CLUH: variants seen among roughly 807,000 people sequenced by gnomAD.
CLUH encodes CLUH binding protein of NUMT mRNA.
In CLUH, 77 loss-of-function variants were observed where a neutral mutation model predicts 139.3. The ratio of observed to expected loss-of-function variants is 0.55; its 90% CI spans 0.46 to 0.67. The LOEUF (loss-of-function observed/expected upper bound fraction) is 0.67. CLUH is among the 30% of genes least tolerant of loss of function. CLUH has a pLI of 0.00. For synonymous variants in CLUH, 999 were observed against 801.6 expected, an observed-to-expected ratio of 1.25 and a Z score of -4.16; for missense variants, 1,876 against 1,875.8, an observed-to-expected ratio of 1.00 and a Z score of 0.00.
At chr17:2,691,949 CCG>C in intron 23 of CLUH, 53 bp downstream of exon 23, 2 of 1,176,798 alleles carry the variant, frequency 1.7e-6, no homozygotes, top group South Asian at 1.7e-5. Flanking sequence ...GGCCCCGCCC[CCG>C]CCCCGCCACG....
rs563585169 is a variant in CLUH at position 2,705,987 on chromosome 17, ATGGGCCAGGCTCACCTGCCTGGCT to A, written c.101-1447_101-1424del. ...GGACCTTGGCCCCCAGGATCTGTCCATGGGCCAGGCTCACCTGCCTGGCTTGGCTTGAAGTTCAACGGTCCCAAC... is the reference window on the plus strand; with the variant it reads ...GGACCTTGGCCCCCAGGATCTGTCCATGGCTTGAAGTTCAACGGTCCCAAC... On this transcript the variant is annotated intron_variant, in intron 1 of 25. Transcript: ENST00000651024. 4.5e-3 allele frequency among the ~76,000 whole-genome samples: 684 copies of A among 152,254 alleles called. 4 individuals are homozygous for A. Among genetic ancestry groups the A allele is most frequent in the African/African-American group, 0.016 (666 of 41,538 alleles).
intron 5 of CLUH, 29 bp from the exon 6 acceptor site, chr17:2,701,549 A>G (rs2070180690): frequency 6.2e-6 from 10 of 1,613,266 alleles, no homozygotes; most frequent in Middle Eastern, 3.3e-4. Context: ...CTGAGGGGCC[A>G]GGCCTCTGGT....
chr17:2,696,067 G>C, intron 13 of CLUH, 92 bp downstream of exon 13: 2 of 1,040,174 alleles, frequency 1.9e-6, no homozygotes, highest in Non-Finnish European at 2.9e-6. Context: ...TCACTCCTGC[G>C]AGCCTGTGTT....
rs1008222783 is a variant in CLUH, at chr17:2,707,654, C to T, written c.101-3090G>A. On this transcript the variant is annotated intron_variant, in intron 1 of 25. Coordinates refer to ENST00000651024, the MANE Select transcript of CLUH (RefSeq NM_001366661.1). This position sits in a 1 kb window ranked among gnomAD's most constrained non-coding sequence, Gnocchi z 7.4. ...GGGCAGGGCCCAGCAAGGGGGTCCT[C>T]TCCTCCGCTCCCATCCCAGTGGGGG... 1.0e-6 allele frequency: 1 copy of T among 985,276 alleles called. No homozygotes were observed. Among genetic ancestry groups the T allele is most frequent in the African/African-American group, 1.7e-5 (1 of 57,234 alleles). 61.0% of individuals were successfully genotyped at this position (985,276 alleles called of 1,614,324 possible).
intron 13 of CLUH, 153 bp downstream of exon 13, chr17:2,696,006 A>C: frequency 1.5e-6 from 1 of 649,968 alleles, no homozygotes; most frequent in Non-Finnish European, 2.7e-6. Flanking sequence ...TCTGGGGGTC[A>C]GGCTCCCCAT....
chr17:2,693,583 A>G (rs934674866), intron 19 of CLUH, among the ~76,000 whole-genome samples: 7 of 151,774 alleles, frequency 4.6e-5, no homozygotes, highest in African/African-American at 1.7e-4. Context: ...CACAGCCTGC[A>G]CTGGGCACAG....
At chr17:2,695,132 G>A in intron 15 of CLUH, 31 bp from the exon 16 acceptor site, 1 of 1,612,694 alleles carries the variant, frequency 6.2e-7, no homozygotes, top group Non-Finnish European at 8.5e-7. Flanking sequence ...GAGTCATGAG[G>A]GCCCTCAGCC....
chr17:2,692,478 T>C lies in CLUH; in HGVS notation c.3443A>G (p.Asn1148Ser). The change falls in exon 22 of 26, where the codon AAC becomes AGC. Residue 1148 changes from asparagine (N) to serine (S), a missense_variant. Coordinates refer to ENST00000651024, the MANE Select transcript of CLUH (RefSeq NM_001366661.1). ...CACCCCGTGCAGCACCAGCCCGATG[T>C]TGTTCTGGGGGCAGGCGGTGGGGGG... ...DHPEMALLDNNIGLVLHGVME... is the reference protein window; with the variant it reads ...DHPEMALLDNSIGLVLHGVME... 1.3e-6 allele frequency: 2 copies of C among 1,598,814 alleles called. No homozygotes were observed. The highest frequency in any genetic ancestry group is 2.2e-5 in the East Asian group (1 of 44,760).
In CLUH at chr17:2,696,415, G is replaced by A. The variant is rs916019347; in HGVS notation, c.2290+19C>T. 2.3e-5 allele frequency: 36 copies of A among 1,564,650 alleles called. No homozygotes were observed. Among genetic ancestry groups the A allele is most frequent in the Admixed American group, 1.1e-4 (6 of 52,812 alleles). On this transcript the variant is annotated intron_variant, in intron 12 of 25. Transcript: ENST00000651024. Reference sequence around the variant, plus strand: ...CTGGCCCTGGAGGGCTCCTGCGCTGGCCGGCCCCCACCACCTGCCTGGTGA... The same window carrying A: ...CTGGCCCTGGAGGGCTCCTGCGCTGACCGGCCCCCACCACCTGCCTGGTGA...
chr17:2,701,808 C>T lies in CLUH; in HGVS notation c.620-71G>A, dbSNP rs1162201355. On this transcript the variant is annotated intron_variant, in intron 4 of 25. Transcript: ENST00000651024. ...AGCTGTCTCCCTACCTCCTGATGGC[C>T]GTGGTCCGGGTGCCTCAGGCCCAGG... The T allele has an allele frequency of 5.8e-5, 91 of 1,565,630 alleles. 1 individual carries two copies. Among genetic ancestry groups the T allele is most frequent in the African/African-American group, 1.4e-4 (10 of 74,048 alleles).
chr17:2,702,275 T>A (rs2070214970), intron 3 of CLUH, among the ~76,000 whole-genome samples: 3 of 152,178 alleles, frequency 2.0e-5, no homozygotes, highest in Admixed American at 2.0e-4. Context: ...TGAGCAGGGA[T>A]CTTTGTTTAT....
At chr17:2,701,337 G>A (rs767840961) in intron 6 of CLUH, 29 bp downstream of exon 6, 10 of 1,606,378 alleles carry the variant, frequency 6.2e-6, no homozygotes, top group South Asian at 2.2e-5. Context: ...GGCACGGCAG[G>A]GGGGTGTGGT....
In CLUH at chr17:2,701,893, C is replaced by T. The variant is rs200222201; in HGVS notation, c.619+21G>A. 2.8e-4 allele frequency: 456 copies of T among 1,612,948 alleles called. 2 individuals carry two copies. In the African/African-American group the frequency reaches 4.7e-3, roughly 16 times the overall value. ...GCTCCCCGCCCTTTGGCCCAATCCC[C>T]GGCCCCAGTGCCTCCCGCACCTCCC... On this transcript the variant is annotated intron_variant, in intron 4 of 25. Coordinates refer to ENST00000651024, the MANE Select transcript of CLUH (RefSeq NM_001366661.1).
chr17:2,691,232 A>G (rs2069614224), intron 25 of CLUH, among the ~76,000 whole-genome samples: 1 of 152,176 alleles, frequency 6.6e-6, no homozygotes, highest in Non-Finnish European at 1.5e-5. Flanking sequence ...CAGAAACACC[A>G]AGGTCTTCAC....
chr17:2,710,447 C>G (rs2070478553), intron 1 of CLUH, among the ~76,000 whole-genome samples: 1 of 152,210 alleles, frequency 6.6e-6, no homozygotes, highest in South Asian at 2.1e-4. Context: ...CCAAGTCAGC[C>G]CTGGCGCACT....
rs1169660149 is a variant in CLUH at position 2,704,520 on chromosome 17, G to C, written c.145C>G (p.Leu49Val). The C allele has an allele frequency of 2.5e-6, 4 of 1,580,940 alleles. No individual in the cohort carries two copies. The Admixed American group carries it at 7.3e-5, about 29-fold the overall frequency. The change falls in exon 2 of 26, where the codon CTG becomes GTG. Residue 49 changes from leucine to valine, a missense_variant. Leu to Val is a conservative substitution (Grantham distance 32). Coordinates refer to ENST00000651024, the MANE Select transcript of CLUH (RefSeq NM_001366661.1). The surrounding 1 kb of genome is among the most constrained non-coding windows in gnomAD (Gnocchi z 5.7). ...MLLNGDCPESLKKEAAAAEPP... is the reference protein window; with the variant it reads ...MLLNGDCPESVKKEAAAAEPP... ...TCGGCCGCCGCCGCCTCCTTCTTCA[G>C]GCTCTCTGGGCAGTCCCCGTTTAAG...
chr17:2,693,799 T>C lies in CLUH; in HGVS notation c.3231+101A>G, dbSNP rs1437216169. The C allele has an allele frequency of 3.5e-6, 5 of 1,427,652 alleles. No individual in the cohort carries two copies. In the East Asian group the frequency reaches 7.5e-5, roughly 21 times the overall value. 88.4% of individuals were successfully genotyped at this position (1,427,652 alleles called of 1,614,324 possible). A position where few individuals can be genotyped will look rare whatever the true frequency, so the allele number is the denominator to read the frequency against. ...GGCCTGGGCAGAACCAGCGACTTCC[T>C]GGGGTCTCCCTGGACTCCACCCACT... On this transcript the variant is annotated intron_variant, in intron 19 of 25. Coordinates refer to ENST00000651024, the MANE Select transcript of CLUH (RefSeq NM_001366661.1).
intron 23 of CLUH, 45 bp downstream of exon 23, chr17:2,691,951 GCCCCGCCA>G (rs2069673942): frequency 2.4e-5 from 26 of 1,098,802 alleles, no homozygotes; most frequent in Admixed American, 3.8e-5. Flanking sequence ...CCCCGCCCCC[GCCCCGCCA>G]CGCCCCCGCC....
At chr17:2,708,838 C>T (rs564227735) in intron 1 of CLUH, among the ~76,000 whole-genome samples, 2 of 141,978 alleles carry the variant, frequency 1.4e-5, no homozygotes, top group South Asian at 2.3e-4. Flanking sequence ...CCTGCCTCCT[C>T]GTCCAGGCCT....
Sources: allele counts gnomAD v4.1 joint callset (sites outside exome capture counted in the v4.1 genomes callset), GRCh38; gene constraint gnomAD v4.1.1; non-coding constraint Gnocchi (gnomAD v3.1); transcripts MANE v1.5; gene names NCBI Gene and HGNC (gene_info 2026-07-23, HGNC 2026-07-21).